Variants in MACROD2 observed in about 807,000 individuals in gnomAD.
MACROD2 encodes the protein ADP-ribose glycohydrolase MACROD2.
Under a neutral mutation model 70.4 loss-of-function variants are expected in MACROD2, and 36 were observed. The ratio of observed to expected loss-of-function variants is 0.51; its 90% confidence interval spans 0.39 to 0.68. The LOEUF (loss-of-function observed/expected upper bound fraction) is 0.68. Among genes scored for constraint, MACROD2 ranks in the 30% least tolerant of loss-of-function variants. The pLI is 0.00. For synonymous variants in MACROD2, 172 were observed against 178.8 expected (o/e 0.96, Z 0.30); for missense variants, 496 against 538.4 (o/e 0.92, Z 0.78).
At chr20:14,325,993 C>T (rs760038366) in intron 3 of MACROD2, 18 of 1,613,822 alleles carry the variant, frequency 1.1e-5, no homozygotes, top group South Asian at 2.2e-5. Context: ...GTTGTACATT[C>T]GAAGGGGTGC....
At chr20:14,457,971 C>T (rs569215106) in intron 3 of MACROD2, among the ~76,000 whole-genome samples, 28 of 151,912 alleles carry the variant, frequency 1.8e-4, no homozygotes, top group Non-Finnish European at 2.9e-4. Flanking sequence ...TGTCATTGCA[C>T]GTGCCTGTAA....
At chr20:14,235,741 T>A (rs2081863429) in intron 3 of MACROD2, among the ~76,000 whole-genome samples, 1 of 152,150 alleles carries the variant, frequency 6.6e-6, no homozygotes, top group Non-Finnish European at 1.5e-5. Context: ...TATCATTTCC[T>A]TTCAAACTGA....
intron 8 of MACROD2, among the ~76,000 whole-genome samples, chr20:15,696,811 C>G (rs2050382783): frequency 6.7e-6 from 1 of 150,182 alleles, no homozygotes; most frequent in Non-Finnish European, 1.5e-5. Flanking sequence ...ATTTATCCAT[C>G]TCTTCTAGGT....
intron 5 of MACROD2, among the ~76,000 whole-genome samples, chr20:14,918,632 T>TTC (rs2074124004): frequency 1.3e-5 from 2 of 149,140 alleles, no homozygotes; most frequent in East Asian, 2.0e-4. Context: ...TTTTTTTTTT[T>TTC]CTGGAGTTTA....
intron 5 of MACROD2, among the ~76,000 whole-genome samples, chr20:15,051,249 A>G (rs2075437583): frequency 6.6e-6 from 1 of 152,030 alleles, no homozygotes; most frequent in African/African-American, 2.4e-5. Flanking sequence ...ATTTTTTGAT[A>G]TCCATTTTTC....
intron 6 of MACROD2, among the ~76,000 whole-genome samples, chr20:15,345,184 G>T (rs562321400): frequency 6.6e-6 from 1 of 152,272 alleles, no homozygotes; most frequent in East Asian, 1.9e-4. Context: ...ATGCCATCAC[G>T]TTAGGGGAAG....
At chr20:14,637,804 T>C (rs1157824044) in intron 4 of MACROD2, among the ~76,000 whole-genome samples, 1 of 152,220 alleles carries the variant, frequency 6.6e-6, no homozygotes, top group Non-Finnish European at 1.5e-5. Flanking sequence ...AAAAATTTGC[T>C]GTCTTCTTTG....
chr20:14,026,443 G>A (rs528922148), intron 2 of MACROD2, among the ~76,000 whole-genome samples: 1 of 152,282 alleles, frequency 6.6e-6, no homozygotes, highest in East Asian at 1.9e-4. Flanking sequence ...AGTGTTGATG[G>A]TCTTTACAAT....
intron 5 of MACROD2, among the ~76,000 whole-genome samples, chr20:14,864,195 G>T (rs1344183229): frequency 6.6e-6 from 1 of 152,088 alleles, no homozygotes; most frequent in African/African-American, 2.4e-5. Flanking sequence ...CCTAAGACAT[G>T]ATTATTGGTA....
At chr20:15,410,653 T>TCACACACACA (rs11471470) in intron 6 of MACROD2, among the ~76,000 whole-genome samples, 1 of 150,738 alleles carries the variant, frequency 6.6e-6, no homozygotes, top group Non-Finnish European at 1.5e-5. Context: ...CTGAATTCTG[T>TCACACACACA]CACACACACA....
chr20:14,684,993 T>A, intron 5 of MACROD2, 34 bp downstream of exon 5: 1 of 1,521,126 alleles, frequency 6.6e-7, no homozygotes, highest in South Asian at 1.1e-5. Context: ...CAAAACCAGA[T>A]GAGACATCTT....
intron 11 of MACROD2, among the ~76,000 whole-genome samples, chr20:15,936,557 G>A (rs925489328): frequency 2.7e-5 from 4 of 149,128 alleles, no homozygotes; most frequent in African/African-American, 9.8e-5. Flanking sequence ...TATAGTAACA[G>A]GGTCATAGAA....
rs145685213 is a variant in MACROD2 at position 15,399,717 on chromosome 20, A to G, written c.541-31688A>G. Among the ~76,000 whole-genome samples, 310 of 152,348 alleles carry G rather than the reference A, an allele frequency of 2.0e-3. 1 individual carries two copies. The highest frequency in any genetic ancestry group is 7.2e-3 in the African/African-American group (300 of 41,580). On this transcript the variant is annotated intron_variant, in intron 6 of 17. Transcript: ENST00000684519. Reference sequence around the variant, plus strand: ...GGTTGTTTTAAAACTAAGGTTGACTACATAACACCATCCCAGATTTAGGCC... The same window carrying G: ...GGTTGTTTTAAAACTAAGGTTGACTGCATAACACCATCCCAGATTTAGGCC...
At chr20:15,220,273 A>G (rs1469509000) in intron 5 of MACROD2, among the ~76,000 whole-genome samples, 1 of 152,190 alleles carries the variant, frequency 6.6e-6, no homozygotes, top group Admixed American at 6.5e-5. Context: ...ATTCCTGATT[A>G]GATTGATTAT....
At chr20:15,858,771 C>G (rs1009732494) in intron 8 of MACROD2, among the ~76,000 whole-genome samples, 38 of 152,280 alleles carry the variant, frequency 2.5e-4, no homozygotes, top group African/African-American at 8.9e-4. Context: ...TGGTTGGGTA[C>G]AAGAGCGAGG....
chr20:14,679,455 T>C (rs2070903480), intron 4 of MACROD2, among the ~76,000 whole-genome samples: 1 of 152,054 alleles, frequency 6.6e-6, no homozygotes, highest in Non-Finnish European at 1.5e-5. Context: ...GGAGGATAAG[T>C]TGGAACAACA....
At chr20:14,374,008 T>A (rs188677805) in intron 3 of MACROD2, among the ~76,000 whole-genome samples, 1 of 152,316 alleles carries the variant, frequency 6.6e-6, no homozygotes, top group Admixed American at 6.5e-5. Context: ...CTTATCACTT[T>A]ATCTCTAACA....
intron 8 of MACROD2, among the ~76,000 whole-genome samples, chr20:15,634,026 C>T (rs1600694652): frequency 6.6e-6 from 1 of 152,188 alleles, no homozygotes; most frequent in Admixed American, 6.5e-5. Flanking sequence ...CATCTTTCCC[C>T]ACCTTAGTAT....
At chr20:15,014,133 A>G (rs187562338) in intron 5 of MACROD2, among the ~76,000 whole-genome samples, 14 of 152,340 alleles carry the variant, frequency 9.2e-5, no homozygotes, top group African/African-American at 2.6e-4. Context: ...GATGTTTGAC[A>G]TGAAAACCAC....
Sources: gnomAD v4.1 joint callset for allele counts (sites outside exome capture counted in the v4.1 genomes callset) on GRCh38, gnomAD v4.1.1 for gene constraint, MANE v1.5 for transcripts, NCBI Gene and HGNC (gene_info 2026-07-23, HGNC 2026-07-21) for gene names.